SOD2: variants seen among roughly 807,000 people sequenced by gnomAD.
SOD2 encodes the protein superoxide dismutase 2, also known as superoxide dismutase [Mn], mitochondrial.
Under a neutral mutation model 27.0 loss-of-function variants are expected in SOD2, and 11 were observed. The observed-to-expected ratio is 0.41, with a 90% CI of 0.26 to 0.67. The LOEUF (loss-of-function observed/expected upper bound fraction) is 0.67. Ranked by LOEUF, SOD2 falls within the 30% of genes least tolerant of loss-of-function variation. The pLI, the probability that SOD2 is intolerant of heterozygous loss-of-function variation, is 0.34. For missense variants in SOD2, 250 were observed against 274.5 expected (o/e 0.91, Z 0.63); for synonymous variants, 105 against 103.0 (o/e 1.02, Z -0.12).
chr6:159,755,797 A>G (rs1224160001), intron 1 of SOD2: 14 of 809,512 alleles, frequency 1.7e-5, no homozygotes, highest in Admixed American at 7.0e-5. Flanking sequence ...TTTTGCTTCA[A>G]TACTTCTGCC....
At chr6:159,683,848 A>T (rs1780064294) in intron 4 of SOD2, among the ~76,000 whole-genome samples, 1 of 152,030 alleles carries the variant, frequency 6.6e-6, no homozygotes, top group African/African-American at 2.4e-5. Context: ...ATTCTGCCAA[A>T]ATCTGGGTCT....
intron 2 of SOD2, among the ~76,000 whole-genome samples, chr6:159,689,518 CTT>C (rs1488831353): frequency 2.0e-5 from 3 of 152,326 alleles, no homozygotes; most frequent in Non-Finnish European, 2.9e-5. Context: ...TGGAAATCCT[CTT>C]GTTTAATAAA....
At chr6:159,728,789 G>A (rs1468559805), upstream of SOD2, among the ~76,000 whole-genome samples, 1 of 152,214 alleles carries the variant, frequency 6.6e-6, no homozygotes, top group Non-Finnish European at 1.5e-5. Context: ...CATTTTAAGG[G>A]TTTGGGTAGG....
intron 1 of SOD2, among the ~76,000 whole-genome samples, chr6:159,737,907 T>C (rs774740777): frequency 2.0e-5 from 3 of 152,214 alleles, no homozygotes; most frequent in Non-Finnish European, 1.5e-5. Context: ...CTTTCAGCTT[T>C]TTGTTTTGAA....
chr6:159,709,467 G>T (rs1777689079), intron 1 of SOD2, among the ~76,000 whole-genome samples: 1 of 152,144 alleles, frequency 6.6e-6, no homozygotes, highest in South Asian at 2.1e-4. Context: ...GATATGAACA[G>T]ACACTCCCCA....
intron 1 of SOD2, among the ~76,000 whole-genome samples, chr6:159,716,054 C>T (rs1777917172): frequency 1.3e-5 from 2 of 152,092 alleles, no homozygotes; most frequent in East Asian, 1.9e-4. Flanking sequence ...GGGCTATGGA[C>T]ATCATAATGT....
At chr6:159,690,100 A>G (rs1780380123) in intron 2 of SOD2, among the ~76,000 whole-genome samples, 1 of 150,892 alleles carries the variant, frequency 6.6e-6, no homozygotes, top group African/African-American at 2.4e-5. Flanking sequence ...CCTGGACGAC[A>G]TGGAAAAACC....
At chr6:159,755,607 T>A in intron 1 of SOD2, 1 of 1,589,740 alleles carries the variant, frequency 6.3e-7, no homozygotes, top group African/African-American at 1.4e-5. Flanking sequence ...GGTTCAGTTT[T>A]GTAATATTTT....
chr6:159,761,919 G>A (rs1780140968), exon 1 of SOD2: 8 of 729,542 alleles, frequency 1.1e-5, no homozygotes, highest in African/African-American at 1.9e-5. Flanking sequence ...CCCCTGCTCC[G>A]GCCTTGCGCC....
At chr6:159,725,990 T>C (rs999309342) in intron 1 of SOD2, 4 of 152,204 alleles carry the variant, frequency 2.6e-5, no homozygotes, top group African/African-American at 4.8e-5. Flanking sequence ...TATTAACGGA[T>C]ATTTGGGTTA....
intron 1 of SOD2, among the ~76,000 whole-genome samples, chr6:159,707,411 G>A (rs1372445311): frequency 6.6e-6 from 1 of 152,076 alleles, no homozygotes; most frequent in Admixed American, 6.6e-5. Context: ...TCAAATAGAT[G>A]CAATAAAAAA....
chr6:159,707,371 A>C (rs1293993039), intron 1 of SOD2, among the ~76,000 whole-genome samples: 1 of 152,222 alleles, frequency 6.6e-6, no homozygotes, highest in Non-Finnish European at 1.5e-5. Flanking sequence ...GACCACTAGC[A>C]AGACTACTAA....
At chr6:159,706,153 C>G (rs1366474699) in intron 1 of SOD2, among the ~76,000 whole-genome samples, 1 of 152,222 alleles carries the variant, frequency 6.6e-6, no homozygotes, top group Non-Finnish European at 1.5e-5. Context: ...GTACCAGCCA[C>G]TGCAAAAACA....
intron 1 of SOD2, among the ~76,000 whole-genome samples, chr6:159,758,403 T>C (rs1344110261): frequency 6.6e-6 from 1 of 152,188 alleles, no homozygotes; most frequent in Non-Finnish European, 1.5e-5. Context: ...GCAATAGATG[T>C]CAGTTTCCTT....
chr6:159,730,977 A>G (rs1327888908), upstream of SOD2: 3 of 151,970 alleles, frequency 2.0e-5, no homozygotes, highest in African/African-American at 7.3e-5. Flanking sequence ...TAGAAAAAAA[A>G]AAGAAATACA....
At chr6:159,761,216 C>T (rs1780117047) in exon 1 of SOD2, 1 of 197,954 alleles carries the variant, frequency 5.1e-6, no homozygotes, top group African/African-American at 2.4e-5. Context: ...CCAGGTGTTC[C>T]CAACAAGTTG....
chr6:159,708,151 C>A (rs1777662700), intron 1 of SOD2, among the ~76,000 whole-genome samples: 1 of 152,214 alleles, frequency 6.6e-6, no homozygotes, highest in Admixed American at 6.5e-5. Context: ...GACAAACCCA[C>A]ACCCAATATC....
chr6:159,715,423 T>C lies in SOD2; in HGVS notation c.-116+11706A>G, dbSNP rs116156137. 6.4e-3 allele frequency among the ~76,000 whole-genome samples: 972 copies of C among 152,290 alleles called. 12 individuals are homozygous for C. The highest frequency in any genetic ancestry group is 0.023 in the African/African-American group (938 of 41,564). On this transcript the variant is annotated intron_variant, in intron 1 of 2. Coordinates refer to the SOD2 transcript ENST00000401980. Reference sequence around the variant, plus strand: ...GATTTACAGTTTGTCAACAGTCACATAGTTTTTGAATGGACTGTCTCCTGT... The same window carrying C: ...GATTTACAGTTTGTCAACAGTCACACAGTTTTTGAATGGACTGTCTCCTGT...
upstream of SOD2, among the ~76,000 whole-genome samples, chr6:159,746,189 T>C (rs1023678277): frequency 6.6e-6 from 1 of 152,176 alleles, no homozygotes; most frequent in African/African-American, 2.4e-5. Context: ...GCCAAAAGAT[T>C]GGATACCCCT....
Sources: gnomAD v4.1 joint callset for allele counts (sites outside exome capture counted in the v4.1 genomes callset) on GRCh38, gnomAD v4.1.1 for gene constraint, MANE v1.5 for transcripts, NCBI Gene and HGNC (gene_info 2026-07-23, HGNC 2026-07-21) for gene names.